Variants in OR10J1 observed in about 807,000 individuals in gnomAD.
The protein encoded by OR10J1 is olfactory receptor 10J1.
For missense variants in OR10J1, 474 were observed against 376.6 expected (o/e 1.26, Z -2.14); for synonymous variants, 202 against 143.8 (o/e 1.40, Z -2.89).
the OR10J1 span, among the ~76,000 whole-genome samples, chr1:159,417,547 T>G: frequency 6.6e-6 from 1 of 152,220 alleles, no homozygotes; most frequent in Admixed American, 6.6e-5. Flanking sequence ...TCTGCTGTCA[T>G]GTAAGACATG....
At chr1:159,420,402 TC>T in the OR10J1 span, among the ~76,000 whole-genome samples, 5 of 152,170 alleles carry the variant, frequency 3.3e-5, no homozygotes, top group East Asian at 9.6e-4. Context: ...TTTGTTTCTT[TC>T]TTTCTCTCTT....
chr1:159,430,665 G>GTGTGTGTGTGTGTGTA, the OR10J1 span, among the ~76,000 whole-genome samples: 6 of 83,564 alleles, frequency 7.2e-5, no homozygotes, highest in South Asian at 4.1e-4. Flanking sequence ...GTGTGTGTGT[G>GTGTGTGTGTGTGTGTA]TGTGCGCGCG....
At chr1:159,426,204 AATTT>A in the OR10J1 span, among the ~76,000 whole-genome samples, 1 of 151,886 alleles carries the variant, frequency 6.6e-6, no homozygotes, top group Non-Finnish European at 1.5e-5. Flanking sequence ...AATATTCAAA[AATTT>A]ATTTAATTAC....
upstream of OR10J1, among the ~76,000 whole-genome samples, chr1:159,433,598 C>T (rs1337117010): frequency 6.6e-6 from 1 of 152,156 alleles, no homozygotes; most frequent in Non-Finnish European, 1.5e-5. Context: ...ATTCTAGATC[C>T]CTCCATTAGA....
upstream of OR10J1, among the ~76,000 whole-genome samples, chr1:159,437,617 A>T (rs1311827733): frequency 6.6e-6 from 1 of 152,214 alleles, no homozygotes; most frequent in East Asian, 1.9e-4. Context: ...AACTTTCCCC[A>T]GGCTCCCCAA....
chr1:159,400,671 T>C, the OR10J1 span, among the ~76,000 whole-genome samples: 1 of 151,712 alleles, frequency 6.6e-6, no homozygotes, highest in African/African-American at 2.4e-5. Context: ...CAATAAGAGC[T>C]GGAGACTTCA....
chr1:159,434,084 A>G (rs906306323), upstream of OR10J1, among the ~76,000 whole-genome samples: 6 of 152,130 alleles, frequency 3.9e-5, no homozygotes, highest in Admixed American at 3.3e-4. Context: ...TAAGTATGTT[A>G]TTAATTTAAT....
the OR10J1 span, among the ~76,000 whole-genome samples, chr1:159,430,670 C>CGCGCGT: frequency 5.4e-5 from 1 of 18,548 alleles, no homozygotes; most frequent in African/African-American, 8.1e-5. Flanking sequence ...TGTGTGTGTG[C>CGCGCGT]GCGCGCGCAC....
chr1:159,418,737 T>A, the OR10J1 span, among the ~76,000 whole-genome samples: 1 of 152,106 alleles, frequency 6.6e-6, no homozygotes, highest in South Asian at 2.1e-4. Context: ...GAATGGTAGA[T>A]CTACCAACAG....
At chr1:159,406,409 C>G in the OR10J1 span, 1 of 393,276 alleles carries the variant, frequency 2.5e-6, no homozygotes, top group Admixed American at 2.9e-5. Flanking sequence ...AACGGAAAGA[C>G]AGAGGTGAGG....
upstream of OR10J1, among the ~76,000 whole-genome samples, chr1:159,435,570 C>G (rs1655714817): frequency 6.6e-6 from 1 of 152,124 alleles, no homozygotes. Context: ...CATACACAGA[C>G]AGTTTGGACA....
At chr1:159,428,064 T>C in the OR10J1 span, among the ~76,000 whole-genome samples, 1 of 152,118 alleles carries the variant, frequency 6.6e-6, no homozygotes, top group Admixed American at 6.6e-5. Flanking sequence ...GCCAGAGATC[T>C]ATAGCAAGCA....
rs765573239 is a variant in OR10J1, at chr1:159,440,421, G to A, written c.630G>A (p.Met210Ile). 6.2e-6 allele frequency: 10 copies of A among 1,613,980 alleles called. No homozygotes were observed. The highest frequency in any genetic ancestry group is 1.1e-5 in the South Asian group (1 of 91,084). ...GTGTGCTGGTGCTTGTTGTACCTATGGGTCTGGTTTTCATTTCTTATGTTC... is the reference window on the plus strand; with the variant it reads ...GTGTGCTGGTGCTTGTTGTACCTATAGGTCTGGTTTTCATTTCTTATGTTC... ...IISVLVLVVP[M>I]GLVFISYVLI... Residue 210 changes from methionine to isoleucine, a missense_variant, in exon 1 of 1, where the codon ATG becomes ATA. Met to Ile is a conservative substitution (Grantham distance 10). Transcript: ENST00000423932.
the OR10J1 span, among the ~76,000 whole-genome samples, chr1:159,415,678 G>C: frequency 6.6e-6 from 1 of 151,826 alleles, no homozygotes; most frequent in African/African-American, 2.4e-5. Context: ...TAATTTTAAT[G>C]ATATGAATAT....
upstream of OR10J1, among the ~76,000 whole-genome samples, chr1:159,434,263 G>A (rs116421945): frequency 3.8e-3 from 584 of 152,170 alleles, 6 homozygotes; most frequent in African/African-American, 0.014. Flanking sequence ...ATTTTAACCA[G>A]CTTTCTCCTC....
the OR10J1 span, among the ~76,000 whole-genome samples, chr1:159,412,138 A>G: frequency 1.3e-5 from 2 of 152,044 alleles, no homozygotes; most frequent in Non-Finnish European, 2.9e-5. Context: ...AAGGGACGTG[A>G]AGGACCTCTT....
upstream of OR10J1, among the ~76,000 whole-genome samples, chr1:159,438,230 AT>A (rs1459168512): frequency 2.0e-5 from 3 of 152,344 alleles, no homozygotes; most frequent in African/African-American, 7.2e-5. Flanking sequence ...CCAAATCATA[AT>A]AGCCATTCTT....
upstream of OR10J1, among the ~76,000 whole-genome samples, chr1:159,438,572 A>G (rs1463557677): frequency 6.6e-6 from 1 of 152,238 alleles, no homozygotes; most frequent in Non-Finnish European, 1.5e-5. Flanking sequence ...CTTTATTGGA[A>G]AATATTCTCT....
chr1:159,403,728 T>C, the OR10J1 span, among the ~76,000 whole-genome samples: 1 of 152,076 alleles, frequency 6.6e-6, no homozygotes, highest in Non-Finnish European at 1.5e-5. Context: ...AAACTAATAA[T>C]TAATCTACCA....
Sources: allele counts gnomAD v4.1 joint callset (sites outside exome capture counted in the v4.1 genomes callset), GRCh38; gene constraint gnomAD v4.1.1; transcripts MANE v1.5; gene names NCBI Gene and HGNC (gene_info 2026-07-23, HGNC 2026-07-21).